LHFPL6: variants seen among roughly 807,000 people sequenced by gnomAD.
The protein encoded by LHFPL6 is LHFPL tetraspan subfamily member 6.
A neutral mutation model predicts 20.6 loss-of-function variants in LHFPL6; 9 were observed. The observed-to-expected ratio is 0.44, with a 90% CI of 0.26 to 0.76. The LOEUF (loss-of-function observed/expected upper bound fraction) is 0.76, where lower values mean the gene tolerates loss of function less well. Among genes scored for constraint, LHFPL6 ranks in the 30% least tolerant of loss-of-function variants. The pLI, the probability that LHFPL6 is intolerant of heterozygous loss-of-function variation, is 0.20. For missense variants in LHFPL6, 218 were observed against 253.5 expected (o/e 0.86, Z 0.95); for synonymous variants, 105 against 98.7 (o/e 1.06, Z -0.38).
chr13:39,376,208 G>A (rs1008093738), intron 3 of LHFPL6, among the ~76,000 whole-genome samples: 2 of 152,152 alleles, frequency 1.3e-5, no homozygotes, highest in African/African-American at 2.4e-5. Flanking sequence ...TCATGATCAA[G>A]TTGAGGCCTG....
At chr13:39,418,767 C>T (rs1029462735) in intron 2 of LHFPL6, among the ~76,000 whole-genome samples, 4 of 152,174 alleles carry the variant, frequency 2.6e-5, no homozygotes, top group Middle Eastern at 3.2e-3. Flanking sequence ...CAAAATTAAA[C>T]AGCTTTGCCT....
chr13:39,427,477 T>C (rs539245421), intron 2 of LHFPL6, among the ~76,000 whole-genome samples: 1 of 152,362 alleles, frequency 6.6e-6, no homozygotes, highest in East Asian at 1.9e-4. Context: ...AGAGTTTTTA[T>C]CAGTTATAGC....
chr13:39,557,501 C>T, intron 2 of LHFPL6, among the ~76,000 whole-genome samples: 1 of 152,244 alleles, frequency 6.6e-6, no homozygotes, highest in Non-Finnish European at 1.5e-5. Context: ...TACACAGTCC[C>T]CACCAGGGCA....
intron 3 of LHFPL6, among the ~76,000 whole-genome samples, chr13:39,354,170 A>G (rs113793864): frequency 0.011 from 1,652 of 152,216 alleles, 14 homozygotes; most frequent in Middle Eastern, 0.048. Context: ...CCTTACATGT[A>G]TGCACCGTCC....
chr13:39,392,934 C>G (rs1305709115), intron 2 of LHFPL6, among the ~76,000 whole-genome samples: 1 of 152,094 alleles, frequency 6.6e-6, no homozygotes, highest in Non-Finnish European at 1.5e-5. Context: ...AATTTACGTT[C>G]ACACTGAACA....
intron 2 of LHFPL6, among the ~76,000 whole-genome samples, chr13:39,588,465 C>T (rs1872516797): frequency 6.6e-6 from 1 of 152,196 alleles, no homozygotes; most frequent in Admixed American, 6.5e-5. Flanking sequence ...CCTGCCATTC[C>T]CAAATAAGTT....
At chr13:39,587,707 G>A (rs1057237731) in intron 2 of LHFPL6, among the ~76,000 whole-genome samples, 1 of 151,882 alleles carries the variant, frequency 6.6e-6, no homozygotes, top group Non-Finnish European at 1.5e-5. Context: ...GAGCTAAAAG[G>A]CCAAACAGGA....
At chr13:39,481,383 C>T (rs1388353791) in intron 2 of LHFPL6, among the ~76,000 whole-genome samples, 1 of 152,112 alleles carries the variant, frequency 6.6e-6, no homozygotes, top group African/African-American at 2.4e-5. Flanking sequence ...AGGTTACACT[C>T]TAAATTAATA....
intron 2 of LHFPL6, among the ~76,000 whole-genome samples, chr13:39,411,183 G>T (rs1871234582): frequency 6.6e-6 from 1 of 152,148 alleles, no homozygotes; most frequent in Non-Finnish European, 1.5e-5. Flanking sequence ...AACTGTAGTT[G>T]CTAATATTTC....
At chr13:39,469,370 T>G (rs1474940822) in intron 2 of LHFPL6, among the ~76,000 whole-genome samples, 1 of 152,202 alleles carries the variant, frequency 6.6e-6, no homozygotes, top group Non-Finnish European at 1.5e-5. Context: ...TTTCCCTCTT[T>G]ACCAGTGTAG....
intron 2 of LHFPL6, among the ~76,000 whole-genome samples, chr13:39,507,500 CAG>C (rs1266582875): frequency 6.6e-6 from 1 of 152,226 alleles, no homozygotes; most frequent in Non-Finnish European, 1.5e-5. Flanking sequence ...CAAATTGCTG[CAG>C]TTTGTATCTG....
At chr13:39,501,645 G>T (rs1869298018) in intron 2 of LHFPL6, among the ~76,000 whole-genome samples, 1 of 152,152 alleles carries the variant, frequency 6.6e-6, no homozygotes, top group Admixed American at 6.5e-5. Flanking sequence ...AAAAAAGAGG[G>T]GTTGGGGGTG....
chr13:39,596,372 G>A (rs1026608831), intron 2 of LHFPL6, among the ~76,000 whole-genome samples: 1 of 152,092 alleles, frequency 6.6e-6, no homozygotes, highest in African/African-American at 2.4e-5. Context: ...ATAGGAAATG[G>A]TTAACTCAGA....
At chr13:39,406,764 G>A (rs980531886) in intron 2 of LHFPL6, among the ~76,000 whole-genome samples, 8 of 152,146 alleles carry the variant, frequency 5.3e-5, no homozygotes, top group Admixed American at 3.3e-4. Context: ...ATATTATGGG[G>A]TGATTCTCTT....
intron 2 of LHFPL6, among the ~76,000 whole-genome samples, chr13:39,507,931 C>T (rs1355394791): frequency 1.3e-5 from 2 of 148,608 alleles, no homozygotes; most frequent in Admixed American, 6.7e-5. Context: ...TCCCTCCCTC[C>T]CATTTCTTTC....
At chr13:39,540,151 A>G (rs1359919492) in intron 2 of LHFPL6, among the ~76,000 whole-genome samples, 17 of 152,298 alleles carry the variant, frequency 1.1e-4, no homozygotes. Context: ...AACTCCTGCC[A>G]AGTTTCAAGG....
At chr13:39,482,914 G>A (rs1426675481) in intron 2 of LHFPL6, among the ~76,000 whole-genome samples, 1 of 152,178 alleles carries the variant, frequency 6.6e-6, no homozygotes, top group African/African-American at 2.4e-5. Flanking sequence ...TGTAGCACAA[G>A]GTAAGGCAGA....
At chr13:39,473,376 T>C (rs939345865) in intron 2 of LHFPL6, among the ~76,000 whole-genome samples, 5 of 150,506 alleles carry the variant, frequency 3.3e-5, no homozygotes, top group Non-Finnish European at 7.4e-5. Context: ...ACATTTTGTG[T>C]TTACTAGTCC....
At chr13:39,457,271 C>T (rs143556351) in intron 2 of LHFPL6, among the ~76,000 whole-genome samples, 67 of 152,164 alleles carry the variant, frequency 4.4e-4, no homozygotes, top group East Asian at 3.7e-3. Context: ...CTACAATATA[C>T]GAAGAACTCT....
Sources: allele counts gnomAD v4.1 joint callset (sites outside exome capture counted in the v4.1 genomes callset), GRCh38; gene constraint gnomAD v4.1.1; transcripts MANE v1.5; gene names NCBI Gene and HGNC (gene_info 2026-07-23, HGNC 2026-07-21).